Variants in ANO2 observed in about 807,000 individuals in gnomAD.
The protein encoded by ANO2 is anoctamin-2.
In ANO2, 101 loss-of-function variants were observed where a neutral mutation model predicts 124.2. The ratio of observed to expected loss-of-function variants is 0.81; its 90% CI spans 0.69 to 0.96. The LOEUF (loss-of-function observed/expected upper bound fraction) is 0.96. Ranked by LOEUF, ANO2 falls within the 40% of genes least tolerant of loss-of-function variation. ANO2 has a pLI of 0.00. For synonymous variants in ANO2, 486 were observed against 482.5 expected, an observed-to-expected ratio of 1.01 and a Z score of -0.09; for missense variants, 1,293 against 1,274.5, an observed-to-expected ratio of 1.01 and a Z score of -0.22.
chr12:5,621,150 C>T (rs1279652690), intron 16 of ANO2, among the ~76,000 whole-genome samples: 2 of 152,150 alleles, frequency 1.3e-5, no homozygotes, highest in Non-Finnish European at 2.9e-5. Flanking sequence ...GCGCTCGCCA[C>T]ACTCCCACTC....
intron 23 of ANO2, among the ~76,000 whole-genome samples, chr12:5,575,538 C>T (rs1272824469): frequency 1.3e-5 from 2 of 152,082 alleles, no homozygotes; most frequent in Admixed American, 6.6e-5. Context: ...CACACCTAGG[C>T]TATAAAGTAT....
chr12:5,885,052 G>A (rs1390633615), intron 3 of ANO2, among the ~76,000 whole-genome samples: 1 of 152,166 alleles, frequency 6.6e-6, no homozygotes, highest in Admixed American at 6.5e-5. Flanking sequence ...CCTCATGTCA[G>A]ATTAATATTC....
chr12:5,690,318 TC>T (rs1425314104), intron 14 of ANO2, among the ~76,000 whole-genome samples: 1 of 152,130 alleles, frequency 6.6e-6, no homozygotes, highest in Non-Finnish European at 1.5e-5. Flanking sequence ...CACTCTGGAT[TC>T]CCCTGAAGAA....
intron 14 of ANO2, among the ~76,000 whole-genome samples, chr12:5,656,043 G>C (rs759698618): frequency 1.3e-5 from 2 of 152,184 alleles, no homozygotes; most frequent in Non-Finnish European, 2.9e-5. Context: ...AAATTTCAAG[G>C]GAATAGTGGG....
intron 16 of ANO2, among the ~76,000 whole-genome samples, chr12:5,627,306 A>ACCCAGAGAGCCGGGAGC (rs1414238112): frequency 1.3e-5 from 2 of 152,182 alleles, no homozygotes; most frequent in South Asian, 2.1e-4. Flanking sequence ...GCCTGAGGCC[A>ACCCAGAGAGCCGGGAGC]CCCAGAGAGC....
chr12:5,860,373 T>C (rs61034617), intron 3 of ANO2, among the ~76,000 whole-genome samples: 2,634 of 152,284 alleles, frequency 0.017, 69 homozygotes, highest in African/African-American at 0.056. Context: ...CTCTGCTAGA[T>C]CTGTAGCTCC....
intron 14 of ANO2, among the ~76,000 whole-genome samples, chr12:5,685,611 C>T (rs547661817): frequency 6.6e-6 from 1 of 152,288 alleles, no homozygotes; most frequent in African/African-American, 2.4e-5. Context: ...TGGCGAAATG[C>T]TGCCTCTACA....
At chr12:5,749,175 A>C (rs1342927649) in intron 11 of ANO2, among the ~76,000 whole-genome samples, 2 of 152,214 alleles carry the variant, frequency 1.3e-5, no homozygotes, top group Non-Finnish European at 2.9e-5. Context: ...TGATGCACGC[A>C]TACCCTTCCT....
intron 14 of ANO2, among the ~76,000 whole-genome samples, chr12:5,692,685 A>G (rs11832527): frequency 0.16 from 24,093 of 152,104 alleles, 2,019 homozygotes; most frequent in Middle Eastern, 0.24. Flanking sequence ...AAACCCCTGC[A>G]TCAAGAAACA....
At chr12:5,879,459 G>C (rs1591732001) in intron 3 of ANO2, among the ~76,000 whole-genome samples, 1 of 152,180 alleles carries the variant, frequency 6.6e-6, no homozygotes, top group South Asian at 2.1e-4. Flanking sequence ...TCTCTCTCTC[G>C]ATACAAGACC....
intron 4 of ANO2, among the ~76,000 whole-genome samples, chr12:5,849,169 C>G (rs1287104315): frequency 6.6e-6 from 1 of 152,160 alleles, no homozygotes; most frequent in African/African-American, 2.4e-5. Flanking sequence ...TTAACAATAG[C>G]TACAAAAGCT....
intron 10 of ANO2, among the ~76,000 whole-genome samples, chr12:5,794,812 T>C (rs1952800807): frequency 6.6e-6 from 1 of 152,204 alleles, no homozygotes; most frequent in Non-Finnish European, 1.5e-5. Flanking sequence ...ATGTGTATTG[T>C]GTCGAGCTGA....
intron 17 of ANO2, 103 bp downstream of exon 17, chr12:5,615,083 C>T (rs111717318): frequency 5.2e-5 from 43 of 833,792 alleles, no homozygotes; most frequent in African/African-American, 5.0e-4. Flanking sequence ...AAGGGGCTGA[C>T]GCTGAGTGGA....
chr12:5,581,236 A>G (rs1297840746), intron 20 of ANO2, among the ~76,000 whole-genome samples: 1 of 152,148 alleles, frequency 6.6e-6, no homozygotes, highest in Non-Finnish European at 1.5e-5. Flanking sequence ...GGTCTTCTTG[A>G]TTCTAATGAG....
intron 3 of ANO2, among the ~76,000 whole-genome samples, chr12:5,873,518 CA>C (rs1390180750): frequency 2.0e-5 from 3 of 152,214 alleles, no homozygotes; most frequent in African/African-American, 7.2e-5. Flanking sequence ...GGCTGGGGCC[CA>C]TCCAGCAGGC....
chr12:5,701,578 C>T (rs1490153934), intron 14 of ANO2, among the ~76,000 whole-genome samples: 7 of 152,170 alleles, frequency 4.6e-5, no homozygotes, highest in Non-Finnish European at 8.8e-5. Context: ...GTCACATCCA[C>T]TTAAGAGCAT....
At chr12:5,853,877 G>A (rs1336402717) in intron 4 of ANO2, among the ~76,000 whole-genome samples, 166 bp downstream of exon 4, 4 of 16,660 alleles carry the variant, frequency 2.4e-4, no homozygotes, top group African/African-American at 5.3e-4. Flanking sequence ...CCCCGTCCCC[G>A]TCCCCGTCCC....
intron 4 of ANO2, among the ~76,000 whole-genome samples, chr12:5,853,164 AG>A (rs1380488429): frequency 1.9e-5 from 1 of 52,738 alleles, no homozygotes; most frequent in Non-Finnish European, 3.4e-5. Flanking sequence ...TTCCCTGGGT[AG>A]ATTTTTTTTT....
chr12:5,667,874 A>C (rs1947805940), intron 14 of ANO2, among the ~76,000 whole-genome samples: 1 of 152,240 alleles, frequency 6.6e-6, no homozygotes, highest in Non-Finnish European at 1.5e-5. Flanking sequence ...CCCTGCAAAG[A>C]ACATAATAAC....
Sources: allele counts gnomAD v4.1 joint callset (sites outside exome capture counted in the v4.1 genomes callset), GRCh38; gene constraint gnomAD v4.1.1; transcripts MANE v1.5; gene names NCBI Gene and HGNC (gene_info 2026-07-23, HGNC 2026-07-21).